Variants in LRSAM1 observed in about 807,000 individuals in gnomAD.
LRSAM1 encodes leucine rich repeat and sterile alpha motif containing 1.
Under a neutral mutation model 118.1 loss-of-function variants are expected in LRSAM1, and 96 were observed. That is an observed-to-expected ratio of 0.81 (90% CI 0.69 to 0.96). LRSAM1 has a LOEUF of 0.96. Ranked by LOEUF, LRSAM1 falls within the 40% of genes least tolerant of loss-of-function variation. The pLI is 0.00. For synonymous variants in LRSAM1, 322 were observed against 364.2 expected (o/e 0.88, Z 1.32); for missense variants, 804 against 915.5 (o/e 0.88, Z 1.57).
chr9:127,492,847 C>T lies in LRSAM1; in HGVS notation c.1549C>T (p.Gln517Ter). Residue 517 changes from glutamine (Q) to a stop codon, truncating the protein, a stop_gained, in exon 21 of 26, where the codon CAG (glutamine) becomes TAG (stop). Transcript: ENST00000300417. LOFTEE classifies it high-confidence loss of function. ...CTGGGCCCTCAGCTCCCTGCTCCAG[C>T]AGCTGCTCAAAGAGAAGCAGCAGCG... is the stretch of plus-strand genomic sequence containing the variant. ...QRWALSSLLQ[Q>*]LLKEKQQREE... is the part of the protein sequence containing the mutation. 6.2e-7 allele frequency: 1 copy of T among 1,614,060 alleles called. No homozygotes were observed. The highest frequency in any genetic ancestry group is 8.5e-7 in the Non-Finnish European group (1 of 1,180,046).
chr9:127,483,803 C>A (rs1220512012), intron 16 of LRSAM1, among the ~76,000 whole-genome samples: 1 of 152,130 alleles, frequency 6.6e-6, no homozygotes, highest in African/African-American at 2.4e-5. Flanking sequence ...GCTAGGATCA[C>A]AGATGCACAC....
In LRSAM1 at chr9:127,500,358, C is replaced by CAAAAAAAAAAAAAAAAAAA. The variant is rs563842364; in HGVS notation, c.1913-635_1913-634insAAAAAAAAAAAAAAAAAAA. Among the ~76,000 whole-genome samples, 6 of 93,542 alleles carry CAAAAAAAAAAAAAAAAAAA rather than the reference C, an allele frequency of 6.4e-5. 1 individual carries two copies. Among genetic ancestry groups the CAAAAAAAAAAAAAAAAAAA allele is most frequent in the South Asian group, 3.7e-4 (1 of 2,724 alleles). 61.4% of individuals were successfully genotyped at this position (93,542 alleles called of 152,430 possible). A position where few individuals can be genotyped will look rare whatever the true frequency, so the allele number is the denominator to read the frequency against. ...CCTGGGTGACAGAGCGAGACTGTCT[C>CAAAAAAAAAAAAAAAAAAA]AAAAAAAAAAAAAAAAAGAGACTTA... is the stretch of plus-strand genomic sequence containing the variant. On this transcript the variant is annotated intron_variant, in intron 24 of 25. Transcript: ENST00000300417.
chr9:127,466,371 C>T (rs957152622), intron 9 of LRSAM1, among the ~76,000 whole-genome samples: 1 of 149,926 alleles, frequency 6.7e-6, no homozygotes, highest in Non-Finnish European at 1.5e-5. Context: ...TTAGAGGAAA[C>T]CACTTTTAGT....
intron 11 of LRSAM1, among the ~76,000 whole-genome samples, chr9:127,477,944 G>A (rs1370064994): frequency 6.6e-6 from 1 of 151,592 alleles, no homozygotes; most frequent in African/African-American, 2.4e-5. Context: ...AGCTACTCAG[G>A]AGGCTGAGGC....
At chr9:127,460,916 T>C (rs534577500) in intron 7 of LRSAM1, among the ~76,000 whole-genome samples, 19 of 139,010 alleles carry the variant, frequency 1.4e-4, no homozygotes, top group African/African-American at 4.5e-4. Flanking sequence ...AGTGCAATGG[T>C]GCAATCTCAG....
rs1399251188 is a variant in LRSAM1 at position 127,491,304 on chromosome 9, G to C, written c.1503+9G>C. ...ACACAGAGTCACTCCAGGTATGTAG[G>C]GCTCCCTGCCCCTGCCCTCCTTCAC... On this transcript the variant is annotated intron_variant, in intron 20 of 25. Coordinates refer to ENST00000300417, the MANE Select transcript of LRSAM1 (RefSeq NM_001005373.4). The C allele has an allele frequency of 6.2e-7, 1 of 1,611,168 alleles. No individual in the cohort carries two copies. Among genetic ancestry groups the C allele is most frequent in the Admixed American group, 1.7e-5 (1 of 59,992 alleles).
At chr9:127,471,883 A>G (rs754134527) in intron 10 of LRSAM1, among the ~76,000 whole-genome samples, 4 of 147,664 alleles carry the variant, frequency 2.7e-5, no homozygotes, top group Non-Finnish European at 4.5e-5. Flanking sequence ...GGGTGGTCTC[A>G]TACTCTTGAC....
intron 21 of LRSAM1, among the ~76,000 whole-genome samples, chr9:127,494,469 C>T (rs568701912): frequency 3.9e-5 from 6 of 152,276 alleles, no homozygotes; most frequent in South Asian, 4.1e-4. Context: ...ATCTCCTTCC[C>T]GGAGTTGTGA....
At chr9:127,497,214 C>T (rs537598396) in intron 23 of LRSAM1, 39 bp from the exon 24 acceptor site, 16 of 1,604,894 alleles carry the variant, frequency 1.0e-5, no homozygotes, top group Admixed American at 1.7e-5. Flanking sequence ...AGCGGGCTCC[C>T]GCCCAGGCCA....
intron 25 of LRSAM1, among the ~76,000 whole-genome samples, chr9:127,501,762 T>C (rs1836404115): frequency 1.3e-5 from 2 of 152,190 alleles, no homozygotes. Context: ...TTTTAAAAAT[T>C]CATTAACACT....
intron 17 of LRSAM1, 191 bp from the exon 18 acceptor site, chr9:127,487,485 T>A: frequency 3.5e-6 from 2 of 571,984 alleles, no homozygotes; most frequent in South Asian, 3.6e-5. Context: ...CTCGATCCCC[T>A]TCCCTCCAGG....
intron 10 of LRSAM1, among the ~76,000 whole-genome samples, chr9:127,473,176 A>G (rs1835236135): frequency 2.0e-5 from 3 of 152,224 alleles, no homozygotes; most frequent in African/African-American, 7.2e-5. Flanking sequence ...ACGTGACTGT[A>G]TCCTTCCCAT....
chr9:127,480,516 C>T (rs1326484138), intron 14 of LRSAM1, among the ~76,000 whole-genome samples: 1 of 152,162 alleles, frequency 6.6e-6, no homozygotes, highest in Non-Finnish European at 1.5e-5. Flanking sequence ...CTGCCACTTC[C>T]AGGCCTCTTT....
intron 5 of LRSAM1, 29 bp from the exon 6 acceptor site, chr9:127,457,287 C>T (rs376362600): frequency 4.3e-6 from 7 of 1,612,658 alleles, no homozygotes; most frequent in Non-Finnish European, 5.1e-6. Context: ...CTTCCTCAGC[C>T]CAGCATGGCC....
rs200172427 is a variant in LRSAM1 at position 127,466,166 on chromosome 9, G to A, written c.529-1574G>A. Among the ~76,000 whole-genome samples the A allele has an allele frequency of 5.1e-4, 77 of 151,912 alleles. No individual in the cohort carries two copies. The East Asian group carries it at 0.015, about 29-fold the overall frequency. ...TCTACTAAAAATACAAAAATTAGCC[G>A]GGTGTGGTGGCGCATGCCTATAGTT... On this transcript the variant is annotated intron_variant, in intron 9 of 25. Coordinates refer to ENST00000300417, the MANE Select transcript of LRSAM1 (RefSeq NM_001005373.4).
At chr9:127,500,931 G>A in intron 24 of LRSAM1, 79 bp from the exon 25 acceptor site, 1 of 1,604,660 alleles carries the variant, frequency 6.2e-7, no homozygotes, top group Non-Finnish European at 8.5e-7. Context: ...CATGGGGATG[G>A]GCAGGGCCAC....
chr9:127,500,732 G>A (rs1400723196), intron 24 of LRSAM1, among the ~76,000 whole-genome samples: 1 of 152,224 alleles, frequency 6.6e-6, no homozygotes, highest in Non-Finnish European at 1.5e-5. Context: ...GCTATGAAGC[G>A]TCCCGGGGAC....
chr9:127,490,937 G>A (rs1207263623), intron 19 of LRSAM1, among the ~76,000 whole-genome samples: 1 of 152,134 alleles, frequency 6.6e-6, no homozygotes, highest in Non-Finnish European at 1.5e-5. Flanking sequence ...CCTTTATCCT[G>A]ATCCCACTCT....
Position 127,497,234 on chromosome 9 carries a change from C to T in LRSAM1, c.1831-19C>T, listed in dbSNP as rs778517874. On this transcript the variant is annotated intron_variant, in intron 23 of 25. Transcript: ENST00000300417. Reference sequence around the variant, plus strand: ...GCTCCCGCCCAGGCCACAGTCTGCACTTCCTTGAACTGTCACAGGTGGGCG... The same window carrying T: ...GCTCCCGCCCAGGCCACAGTCTGCATTTCCTTGAACTGTCACAGGTGGGCG... 1.9e-6 allele frequency: 3 copies of T among 1,612,596 alleles called. No homozygotes were observed. Among genetic ancestry groups the T allele is most frequent in the Non-Finnish European group, 2.5e-6 (3 of 1,179,638 alleles).
Sources: allele counts gnomAD v4.1 joint callset (sites outside exome capture counted in the v4.1 genomes callset), GRCh38; gene constraint gnomAD v4.1.1; transcripts MANE v1.5; gene names NCBI Gene and HGNC (gene_info 2026-07-23, HGNC 2026-07-21).